Variants in NBAS observed in about 807,000 individuals in gnomAD.
NBAS encodes the protein NAG/BC035112 fusion.
NBAS carries 219 observed loss-of-function variants against 302.5 expected under a neutral mutation model. The observed-to-expected ratio is 0.72, with a 90% confidence interval of 0.65 to 0.81. The LOEUF (loss-of-function observed/expected upper bound fraction) is 0.81. Ranked by LOEUF, NBAS falls within the 30% of genes least tolerant of loss-of-function variation. The pLI is 0.00. For missense variants in NBAS, 2,932 were observed against 2,841.6 expected, an observed-to-expected ratio of 1.03 and a Z score of -0.72; for synonymous variants, 1,118 against 1,021.6, an observed-to-expected ratio of 1.09 and a Z score of -1.80.
chr2:15,013,968 C>T, the NBAS span, among the ~76,000 whole-genome samples: 42 of 151,634 alleles, frequency 2.8e-4, no homozygotes, highest in African/African-American at 9.0e-4. Flanking sequence ...AGATATTCCA[C>T]GTAAAAGGAA....
At chr2:15,517,966 A>T (rs368780645) in intron 9 of NBAS, among the ~76,000 whole-genome samples, 1 of 152,172 alleles carries the variant, frequency 6.6e-6, no homozygotes, top group Non-Finnish European at 1.5e-5. Flanking sequence ...AAAGTGGAAA[A>T]GTCTTAAGTT....
chr2:15,325,678 A>C (rs147864406), intron 38 of NBAS, among the ~76,000 whole-genome samples: 339 of 152,212 alleles, frequency 2.2e-3, no homozygotes, highest in African/African-American at 7.3e-3. Context: ...GGCCACTAAA[A>C]CTCTCTCCAC....
intron 28 of NBAS, among the ~76,000 whole-genome samples, chr2:15,385,784 C>T (rs563923312): frequency 6.6e-6 from 1 of 152,200 alleles, no homozygotes; most frequent in East Asian, 1.9e-4. Context: ...TTCAGGTCAA[C>T]TACTGTGAAA....
intron 25 of NBAS, among the ~76,000 whole-genome samples, chr2:15,414,314 T>C (rs1024807489): frequency 6.6e-6 from 1 of 152,208 alleles, no homozygotes; most frequent in Non-Finnish European, 1.5e-5. Flanking sequence ...GCCGGTGCAA[T>C]GAAATAGTCC....
At chr2:15,160,918 G>A in the NBAS span, among the ~76,000 whole-genome samples, 261 of 152,284 alleles carry the variant, frequency 1.7e-3, no homozygotes, top group African/African-American at 5.5e-3. Context: ...AGGGTTCAGA[G>A]AACTCTTTTG....
chr2:15,098,969 A>T, the NBAS span, among the ~76,000 whole-genome samples: 2 of 151,518 alleles, frequency 1.3e-5, no homozygotes, highest in Non-Finnish European at 2.9e-5. Context: ...ACACACATAT[A>T]TATATACACA....
intron 16 of NBAS, among the ~76,000 whole-genome samples, chr2:15,471,386 T>C (rs959486046): frequency 2.0e-5 from 3 of 152,224 alleles, no homozygotes; most frequent in African/African-American, 7.2e-5. Flanking sequence ...CATCATCTTC[T>C]TCCATACAAC....
At chr2:14,887,851 T>C in the NBAS span, among the ~76,000 whole-genome samples, 4 of 152,226 alleles carry the variant, frequency 2.6e-5, no homozygotes, top group Non-Finnish European at 5.9e-5. Context: ...CTGATGGCTA[T>C]TTTTTAATTG....
rs370159315 is a variant in NBAS at position 15,238,602 on chromosome 2, A to T, written c.5809T>A (p.Ser1937Thr). 6.2e-7 allele frequency: 1 copy of T among 1,613,580 alleles called. No individual in the cohort carries two copies. The highest frequency in any genetic ancestry group is 8.5e-7 in the Non-Finnish European group (1 of 1,179,928). The stretch of plus-strand genomic sequence containing the variant: ...TTAGCTTCTTGAGCTTCGTCTTCTG[A>T]GTTTCTTTTCCTTGGCTTCTCAATA... ...HFIEKPRKRN[S>T]EDEAQEAKDS... is the part of the protein sequence containing the mutation. The change falls in exon 45 of 52, where the codon TCA (serine) becomes ACA (threonine). Residue 1937 changes from serine (S) to threonine (T), a missense_variant. By Grantham distance (58) the Ser-to-Thr change is moderately conservative. Coordinates refer to ENST00000281513, the MANE Select transcript of NBAS (RefSeq NM_015909.4).
the NBAS span, among the ~76,000 whole-genome samples, chr2:15,047,500 G>T: frequency 2.0e-5 from 3 of 151,968 alleles, no homozygotes; most frequent in Non-Finnish European, 4.4e-5. Flanking sequence ...TAAGGGCTAG[G>T]CCCATGCAAG....
chr2:15,428,478 C>T (rs977000818), intron 21 of NBAS, among the ~76,000 whole-genome samples: 5 of 152,094 alleles, frequency 3.3e-5, no homozygotes, highest in African/African-American at 1.2e-4. Flanking sequence ...ACCTGTAATT[C>T]CAACACTTTA....
chr2:15,359,091 G>A (rs1184337072), intron 32 of NBAS, among the ~76,000 whole-genome samples: 9 of 152,118 alleles, frequency 5.9e-5, no homozygotes, highest in Non-Finnish European at 8.8e-5. Flanking sequence ...GCATCAAAAA[G>A]CCCAACAGAA....
the NBAS span, among the ~76,000 whole-genome samples, chr2:14,882,322 CCCCAGATCCACA>C: frequency 0.014 from 2,044 of 148,444 alleles, 61 homozygotes; most frequent in African/African-American, 0.049. Flanking sequence ...GAAACCACTT[CCCCAGATCCACA>C]CCCAGATCTT....
downstream of NBAS, among the ~76,000 whole-genome samples, chr2:15,163,236 T>TCACTTTCCAAGC (rs1301797153): frequency 3.3e-5 from 5 of 152,200 alleles, no homozygotes; most frequent in Non-Finnish European, 7.3e-5. Context: ...GAGAGATCCA[T>TCACTTTCCAAGC]CACTTTCCAA....
the NBAS span, among the ~76,000 whole-genome samples, chr2:14,903,354 T>C: frequency 6.9e-6 from 1 of 145,036 alleles, no homozygotes; most frequent in Non-Finnish European, 1.5e-5. Context: ...AAGAAACATG[T>C]TGAAAATAAA....
the NBAS span, among the ~76,000 whole-genome samples, chr2:15,040,794 A>C: frequency 1.3e-5 from 2 of 152,158 alleles, no homozygotes; most frequent in Non-Finnish European, 2.9e-5. Context: ...CATAAATCCC[A>C]GTGCTCGCAC....
Position 15,354,028 on chromosome 2 carries a change from C to G in NBAS, c.3932-318G>C, listed in dbSNP as rs2277916. Among the ~76,000 whole-genome samples the G allele has an allele frequency of 0.61, 93,443 of 152,018 alleles. 29,553 individuals carry two copies. Among genetic ancestry groups the G allele is most frequent in the Non-Finnish European group, 0.68 (46,136 of 67,980 alleles). ...TGTGAAAAGGCAGCCATCTGAATTC[C>G]GAAGATCTGAGGGCCTGCTGCAACC... On this transcript the variant is annotated intron_variant, in intron 33 of 51. Transcript: ENST00000281513.
intron 30 of NBAS, among the ~76,000 whole-genome samples, chr2:15,378,391 T>C (rs1674861111): frequency 6.6e-6 from 1 of 152,154 alleles, no homozygotes; most frequent in Non-Finnish European, 1.5e-5. Flanking sequence ...GGAAAATGGC[T>C]AGTGGAAGAA....
At chr2:15,517,275 G>GT (rs1662444193) in intron 9 of NBAS, among the ~76,000 whole-genome samples, 1 of 152,106 alleles carries the variant, frequency 6.6e-6, no homozygotes, top group African/African-American at 2.4e-5. Flanking sequence ...TCGATAGGTA[G>GT]TTTTTTGATC....
Sources: allele counts gnomAD v4.1 joint callset (sites outside exome capture counted in the v4.1 genomes callset), GRCh38; gene constraint gnomAD v4.1.1; transcripts MANE v1.5; gene names NCBI Gene and HGNC (gene_info 2026-07-23, HGNC 2026-07-21).